The following PCDHGA6 variants were observed in gnomAD, a reference collection of about 807,000 sequenced individuals.
PCDHGA6 encodes the protein protocadherin gamma subfamily A, 6.
PCDHGA6 carries 41 observed loss-of-function variants against 60.6 expected under a neutral mutation model. The observed-to-expected ratio is 0.68, with a 90% CI of 0.53 to 0.88. The LOEUF is 0.88. PCDHGA6 is among the 40% of genes least tolerant of loss of function. PCDHGA6 has a pLI of 0.00. For missense variants in PCDHGA6, 1,312 were observed against 1,203.0 expected (o/e 1.09, Z -1.34); for synonymous variants, 594 against 524.4 (o/e 1.13, Z -1.81).
Position 141,491,844 on chromosome 5 carries a change from G to A in PCDHGA6, c.2425-2963G>A. On this transcript the variant is annotated intron_variant, in intron 1 of 3. Transcript: ENST00000517434. The surrounding 1 kb of genome is among the most constrained non-coding windows in gnomAD (Gnocchi z 6.9). ...GCTCCACCCGATTCTCGGGATCATT[G>A]GACCGTTTGCGCGAAACCAGAGTGG... 1 of 1,464,184 alleles carries A rather than the reference G, an allele frequency of 6.8e-7. No homozygotes were observed. 90.7% of individuals were successfully genotyped at this position (1,464,184 alleles called of 1,614,324 possible).
intron 1 of PCDHGA6, chr5:141,419,707 C>T (rs781629810): frequency 4.6e-5 from 74 of 1,613,062 alleles, no homozygotes; most frequent in Middle Eastern, 1.7e-4. Flanking sequence ...AGCCCGGGCT[C>T]TTCAGCCTGG....
At chr5:141,498,073 T>C (rs1474889879) in intron 2 of PCDHGA6, among the ~76,000 whole-genome samples, 1 of 152,214 alleles carries the variant, frequency 6.6e-6, no homozygotes, top group Non-Finnish European at 1.5e-5. Context: ...CTGTCATAAG[T>C]GCTAGGTAGA....
At chr5:141,407,309 A>C (rs1197028846) in intron 1 of PCDHGA6, among the ~76,000 whole-genome samples, 1 of 152,240 alleles carries the variant, frequency 6.6e-6, no homozygotes, top group African/African-American at 2.4e-5. Flanking sequence ...AGTAGCCTTC[A>C]TACTTAGTAT....
In PCDHGA6 at chr5:141,489,514, C is replaced by T. The variant is rs141377711; in HGVS notation, c.2425-5293C>T. 63 of 1,613,926 alleles carry T rather than the reference C, an allele frequency of 3.9e-5. No homozygotes were observed. The highest frequency in any genetic ancestry group is 6.7e-5 in the Admixed American group (4 of 60,004). ...CCTGGCAGTGAATCAAAAGATTGAC[C>T]GAGAAAGCCTATGTGGAGCCAGCAC... On this transcript the variant is annotated intron_variant, in intron 1 of 3. Coordinates refer to ENST00000517434, the MANE Select transcript of PCDHGA6 (RefSeq NM_018919.3). This position sits in a 1 kb window ranked among gnomAD's most constrained non-coding sequence, Gnocchi z 4.5.
In PCDHGA6 at chr5:141,490,507, G is replaced by C; in HGVS notation, c.2425-4300G>C. 1 of 1,614,016 alleles carries C rather than the reference G, an allele frequency of 6.2e-7. No individual in the cohort carries two copies. Among genetic ancestry groups the C allele is most frequent in the Non-Finnish European group, 8.5e-7 (1 of 1,180,002 alleles). On this transcript the variant is annotated intron_variant, in intron 1 of 3. Transcript: ENST00000517434. The surrounding 1 kb of genome is among the most constrained non-coding windows in gnomAD (Gnocchi z 5.4). ...GGAGGCCACATCCCACTATATCATCGAGCTGCTGGCCAGCGATGCTGGTTC... is the reference window on the plus strand; with the variant it reads ...GGAGGCCACATCCCACTATATCATCCAGCTGCTGGCCAGCGATGCTGGTTC...
intron 1 of PCDHGA6, chr5:141,423,265 G>T: frequency 6.2e-7 from 1 of 1,613,666 alleles, no homozygotes; most frequent in Non-Finnish European, 8.5e-7. Flanking sequence ...CGGCAGCCTC[G>T]AGTCTCTGGC....
In PCDHGA6 at chr5:141,374,245, G is replaced by C; in HGVS notation, c.162G>C (p.Leu54=). ...FVGNIVKDLG[L]EPQELAEHGV... The stretch of plus-strand genomic sequence containing the variant: ...GCAACATCGTCAAGGATCTGGGACT[G>C]GAGCCCCAGGAGTTGGCGGAGCACG... Residue 54 remains leucine, a synonymous_variant, in exon 1 of 4, where the codon CTG becomes CTC. Transcript: ENST00000517434. 4 of 1,613,980 alleles carry C rather than the reference G, an allele frequency of 2.5e-6. No homozygotes were observed. Among genetic ancestry groups the C allele is most frequent in the Non-Finnish European group, 3.4e-6 (4 of 1,179,888 alleles).
At chr5:141,471,046 C>G (rs960750377) in intron 1 of PCDHGA6, among the ~76,000 whole-genome samples, 3 of 113,280 alleles carry the variant, frequency 2.6e-5, no homozygotes, top group African/African-American at 1.1e-4. Context: ...CCCAAGCCCT[C>G]TTTTTTTTTT....
rs747077639 is a variant in PCDHGA6, at chr5:141,432,371, G to C, written c.2424+55864G>C. 2 of 1,614,234 alleles carry C rather than the reference G, an allele frequency of 1.2e-6. No individual in the cohort carries two copies. The highest frequency in any genetic ancestry group is 1.6e-4 in the Middle Eastern group (1 of 6,062). ...AGTGAAAGTGATGGCGCGGGACAAC[G>C]GGCACCCGCCCCTCAGCAGCAACGT... On this transcript the variant is annotated intron_variant, in intron 1 of 3. Transcript: ENST00000517434. The surrounding 1 kb of genome is among the most constrained non-coding windows in gnomAD (Gnocchi z 6.0).
rs753358324 is a variant in PCDHGA6, at chr5:141,487,328, G to A, written c.2425-7479G>A. On this transcript the variant is annotated intron_variant, in intron 1 of 3. Transcript: ENST00000517434. This position sits in a 1 kb window ranked among gnomAD's most constrained non-coding sequence, Gnocchi z 5.0. ...ACTACTCTCTAAGTGTCTTCGTGGG[G>A]CAGCCTGTGGAGTCACATGCTTTCC... 1.2e-6 allele frequency: 2 copies of A among 1,613,962 alleles called. No individual in the cohort carries two copies. The highest frequency in any genetic ancestry group is 2.2e-5 in the East Asian group (1 of 44,874).
In PCDHGA6 at chr5:141,374,292, G is replaced by A. The variant is rs1268827954; in HGVS notation, c.209G>A (p.Gly70Asp). The A allele has an allele frequency of 2.5e-6, 4 of 1,613,966 alleles. No individual in the cohort carries two copies. The highest frequency in any genetic ancestry group is 2.5e-6 in the Non-Finnish European group (3 of 1,179,866). Residue 70 changes from glycine to aspartate, a missense_variant, in exon 1 of 4, where the codon GGT (glycine) becomes GAT (aspartate). Gly to Asp is a moderately conservative substitution (Grantham distance 94). Transcript: ENST00000517434. Reference protein sequence around the residue: ...AEHGVRIVSRGRMQLFSLNPR... With the variant: ...AEHGVRIVSRDRMQLFSLNPR... Reference sequence around the variant, plus strand: ...CACGGAGTCCGCATCGTCTCCAGAGGTAGGATGCAGCTTTTCTCTCTGAAT... The same window carrying A: ...CACGGAGTCCGCATCGTCTCCAGAGATAGGATGCAGCTTTTCTCTCTGAAT...
At chr5:141,396,847 T>G (rs2093444333) in intron 1 of PCDHGA6, among the ~76,000 whole-genome samples, 1 of 152,190 alleles carries the variant, frequency 6.6e-6, no homozygotes. Context: ...GGGAGTTAAC[T>G]TCATAGTTTG....
At chr5:141,413,267 GA>G in intron 1 of PCDHGA6, 1 of 1,613,960 alleles carries the variant, frequency 6.2e-7, no homozygotes, top group Non-Finnish European at 8.5e-7. Flanking sequence ...TGGGAGGCTG[GA>G]GCCCGGCAGA....
chr5:141,444,762 T>A (rs767523211), intron 1 of PCDHGA6, among the ~76,000 whole-genome samples: 2 of 152,248 alleles, frequency 1.3e-5, no homozygotes, highest in Non-Finnish European at 2.9e-5. Flanking sequence ...TAGTTCTATT[T>A]CTATATTCTT....
At chr5:141,423,529 C>T in intron 1 of PCDHGA6, 1 of 1,613,754 alleles carries the variant, frequency 6.2e-7, no homozygotes, top group South Asian at 1.1e-5. Flanking sequence ...GCAGAAGAGT[C>T]ACCTGATTTT....
chr5:141,465,343 T>A (rs1221229916), intron 1 of PCDHGA6, among the ~76,000 whole-genome samples: 1 of 152,118 alleles, frequency 6.6e-6, no homozygotes, highest in Non-Finnish European at 1.5e-5. Flanking sequence ...TATTGGTTAC[T>A]GAAGAAAAAA....
At chr5:141,450,898 C>T (rs929869116) in intron 1 of PCDHGA6, among the ~76,000 whole-genome samples, 12 of 150,412 alleles carry the variant, frequency 8.0e-5, no homozygotes, top group African/African-American at 2.9e-4. Context: ...GATATCGGCT[C>T]ACTGCAACCG....
At chr5:141,450,608 T>A (rs916441293) in intron 1 of PCDHGA6, among the ~76,000 whole-genome samples, 1 of 151,894 alleles carries the variant, frequency 6.6e-6, no homozygotes, top group East Asian at 1.9e-4. Flanking sequence ...TGCCTCAGCC[T>A]CCTGAGTAGC....
At position 141,477,924 on chromosome 5, in the gene PCDHGA6, A is replaced by G; in HGVS notation, c.2425-16883A>G. 1 of 1,614,140 alleles carries G rather than the reference A, an allele frequency of 6.2e-7. No homozygotes were observed. On this transcript the variant is annotated intron_variant, in intron 1 of 3. Transcript: ENST00000517434. The surrounding 1 kb of genome is among the most constrained non-coding windows in gnomAD (Gnocchi z 4.9). ...GGCTGGGACGCGGATGCAGGGCACA[A>G]TGCCTGGCTCTCCTACAGTCTCTTG...
Sources: gnomAD v4.1 joint callset for allele counts (sites outside exome capture counted in the v4.1 genomes callset) on GRCh38, gnomAD v4.1.1 for gene constraint, Gnocchi (gnomAD v3.1) non-coding constraint, MANE v1.5 for transcripts, NCBI Gene and HGNC (gene_info 2026-07-23, HGNC 2026-07-21) for gene names.